ADGRL2: variants seen among roughly 807,000 people sequenced by gnomAD.
The protein encoded by ADGRL2 is adhesion G protein-coupled receptor L2.
In ADGRL2, 44 loss-of-function variants were observed where a neutral mutation model predicts 157.4. The ratio of observed to expected loss-of-function variants is 0.28; its 90% CI spans 0.22 to 0.36. The LOEUF is 0.36. ADGRL2 is among the 10% of genes least tolerant of loss of function. The pLI is 1.00. For missense variants in ADGRL2, 1,510 were observed against 1,768.9 expected (o/e 0.85, Z 2.63); for synonymous variants, 585 against 624.7 (o/e 0.94, Z 0.95).
intron 2 of ADGRL2, among the ~76,000 whole-genome samples, chr1:81,843,696 A>G (rs1351344246): frequency 6.6e-6 from 1 of 152,174 alleles, no homozygotes; most frequent in Non-Finnish European, 1.5e-5. Context: ...ATGTGACTCA[A>G]AGTTGCCGAA....
intron 3 of ADGRL2, among the ~76,000 whole-genome samples, chr1:81,691,191 T>C (rs987005268): frequency 2.0e-5 from 3 of 152,196 alleles, no homozygotes; most frequent in African/African-American, 4.8e-5. Context: ...ACAAATGAGA[T>C]AAATCCTGTT....
chr1:81,541,851 G>A (rs969610993), intron 2 of ADGRL2, among the ~76,000 whole-genome samples: 1 of 151,750 alleles, frequency 6.6e-6, no homozygotes, highest in Non-Finnish European at 1.5e-5. Context: ...CCAGCTACTC[G>A]GGAGGCTGAG....
chr1:81,663,673 A>C (rs1386430703), intron 3 of ADGRL2, among the ~76,000 whole-genome samples: 1 of 152,158 alleles, frequency 6.6e-6, no homozygotes, highest in Non-Finnish European at 1.5e-5. Context: ...GGCCTGATTG[A>C]TTACAAGAGG....
At chr1:81,961,124 A>G (rs1045814386) in intron 11 of ADGRL2, among the ~76,000 whole-genome samples, 1 of 147,892 alleles carries the variant, frequency 6.8e-6, no homozygotes, top group Non-Finnish European at 1.5e-5. Flanking sequence ...TGTTTACAGT[A>G]TTGGCTGAGT....
intron 2 of ADGRL2, among the ~76,000 whole-genome samples, chr1:81,550,369 T>C (rs1221158323): frequency 6.6e-6 from 1 of 152,158 alleles, no homozygotes; most frequent in Non-Finnish European, 1.5e-5. Context: ...CACAGTAAAT[T>C]TCAAAGCTAG....
chr1:81,336,674 C>T (rs994814148), intron 1 of ADGRL2, among the ~76,000 whole-genome samples: 2 of 152,054 alleles, frequency 1.3e-5, no homozygotes, highest in Non-Finnish European at 2.9e-5. Flanking sequence ...ATGGCCTAAT[C>T]CTCCTCTGGA....
chr1:81,466,080 A>G (rs1278784875), intron 2 of ADGRL2, among the ~76,000 whole-genome samples: 1 of 152,272 alleles, frequency 6.6e-6, no homozygotes, highest in Non-Finnish European at 1.5e-5. Context: ...GAAGTATTGT[A>G]AAGTAATCTG....
intron 2 of ADGRL2, among the ~76,000 whole-genome samples, chr1:81,839,930 A>AAAAT (rs1553165974): frequency 2.2e-4 from 15 of 67,274 alleles, no homozygotes; most frequent in South Asian, 7.0e-4. Context: ...TATATGATGG[A>AAAAT]ATATATATAT....
intron 1 of ADGRL2, among the ~76,000 whole-genome samples, chr1:81,325,387 T>C (rs1429752672): frequency 6.6e-6 from 1 of 152,132 alleles, no homozygotes; most frequent in African/African-American, 2.4e-5. Context: ...TCAACACTAT[T>C]GTGTTGAATT....
At chr1:81,909,390 G>T (rs1180629226) in intron 3 of ADGRL2, among the ~76,000 whole-genome samples, 10 of 151,948 alleles carry the variant, frequency 6.6e-5, no homozygotes, top group Admixed American at 6.6e-4. Flanking sequence ...TTAAAACATA[G>T]AAACAGGCAA....
chr1:81,748,409 C>T (rs1444361831), intron 1 of ADGRL2, among the ~76,000 whole-genome samples: 1 of 130,130 alleles, frequency 7.7e-6, no homozygotes, highest in African/African-American at 3.0e-5. Flanking sequence ...GCAGAGGTTG[C>T]AGTGAGCTGA....
At chr1:81,852,211 A>G (rs1192550193) in intron 2 of ADGRL2, among the ~76,000 whole-genome samples, 1 of 152,076 alleles carries the variant, frequency 6.6e-6, no homozygotes, top group Non-Finnish European at 1.5e-5. Context: ...TTATTCCTGC[A>G]TGGTTTACAT....
rs774440909 is a variant in ADGRL2, at chr1:81,992,694, G to A, written c.*1549G>A. On this transcript the variant is annotated 3_prime_UTR_variant, in exon 24 of 24. Transcript: ENST00000686636. ...ACCAGGACTAAAAAAAGAAGGATTG[G>A]AAGTTCTGCCATCAAATTTGGGTAT... Among the ~76,000 whole-genome samples, 1 of 152,024 alleles carries A rather than the reference G, an allele frequency of 6.6e-6. No individual in the cohort carries two copies. Among genetic ancestry groups the A allele is most frequent in the Non-Finnish European group, 1.5e-5 (1 of 68,014 alleles).
chr1:81,709,570 T>C (rs1194102584), intron 1 of ADGRL2, among the ~76,000 whole-genome samples: 2 of 152,058 alleles, frequency 1.3e-5, no homozygotes, highest in Non-Finnish European at 2.9e-5. Flanking sequence ...CCTTAGTGTT[T>C]GGAGTTTATT....
At chr1:81,915,171 G>C (rs1302483862) in intron 3 of ADGRL2, among the ~76,000 whole-genome samples, 2 of 152,000 alleles carry the variant, frequency 1.3e-5, no homozygotes, top group East Asian at 1.9e-4. Context: ...AGCTTCCCAG[G>C]CTCAAGTGAT....
intron 3 of ADGRL2, among the ~76,000 whole-genome samples, chr1:81,611,890 G>A (rs2081548479): frequency 6.6e-6 from 1 of 152,046 alleles, no homozygotes; most frequent in African/African-American, 2.4e-5. Flanking sequence ...GCTGGTGAGG[G>A]AGTTCTCACG....
At chr1:81,486,755 A>C (rs2078511597) in intron 2 of ADGRL2, among the ~76,000 whole-genome samples, 2 of 152,188 alleles carry the variant, frequency 1.3e-5, no homozygotes, top group African/African-American at 4.8e-5. Context: ...TGGACATATA[A>C]GTTAGAAAAC....
At chr1:81,813,079 A>G (rs1455632396) in intron 1 of ADGRL2, among the ~76,000 whole-genome samples, 1 of 151,552 alleles carries the variant, frequency 6.6e-6, no homozygotes, top group Non-Finnish European at 1.5e-5. Flanking sequence ...AGTGAGTAGA[A>G]TTTTTCATAT....
intron 13 of ADGRL2, 70 bp from the exon 14 acceptor site, chr1:81,967,956 A>T: frequency 8.1e-7 from 1 of 1,237,098 alleles, no homozygotes. Context: ...CCTTTTATAC[A>T]TATTAAACAA....
Sources: allele counts gnomAD v4.1 joint callset (sites outside exome capture counted in the v4.1 genomes callset), GRCh38; gene constraint gnomAD v4.1.1; transcripts MANE v1.5; gene names NCBI Gene and HGNC (gene_info 2026-07-23, HGNC 2026-07-21).